The following ALG6 variants were observed in gnomAD, a reference collection of about 807,000 sequenced individuals.
ALG6 encodes the protein dolichyl pyrophosphate Man9GlcNAc2 alpha-1,3-glucosyltransferase.
Under a neutral mutation model 66.6 loss-of-function variants are expected in ALG6, and 46 were observed. The observed-to-expected ratio is 0.69, with a 90% CI of 0.55 to 0.88. ALG6 has a LOEUF of 0.88. ALG6 is among the 40% of genes least tolerant of loss of function. The probability of loss-of-function intolerance (pLI) is 0.00; values close to 1 mark genes in which losing one functional copy is unlikely to be tolerated. For missense variants in ALG6, 505 were observed against 586.8 expected (o/e 0.86, Z 1.44); for synonymous variants, 185 against 203.7 (o/e 0.91, Z 0.78).
intron 2 of ALG6, among the ~76,000 whole-genome samples, chr1:63,383,884 A>C (rs920525254): frequency 1.7e-4 from 26 of 152,266 alleles, no homozygotes; most frequent in African/African-American, 6.3e-4. Flanking sequence ...CAATTGTTTC[A>C]ATTTTTAGCT....
At chr1:63,373,503 G>A (rs571082381) in intron 2 of ALG6, among the ~76,000 whole-genome samples, 2 of 151,380 alleles carry the variant, frequency 1.3e-5, no homozygotes, top group Non-Finnish European at 2.9e-5. Context: ...GCTGAGGCAC[G>A]AGAATTGCTT....
At chr1:63,426,792 C>T (rs1557596842) in intron 12 of ALG6, among the ~76,000 whole-genome samples, 1 of 152,164 alleles carries the variant, frequency 6.6e-6, no homozygotes, top group Admixed American at 6.5e-5. Context: ...GATCCTCCCA[C>T]CTTGGCCTCC....
chr1:63,407,088 G>A lies in ALG6; in HGVS notation c.456G>A (p.Leu152=), dbSNP rs751956471. 6.2e-7 allele frequency: 1 copy of A among 1,609,648 alleles called. No homozygotes were observed. The highest frequency in any genetic ancestry group is 1.7e-5 in the Admixed American group (1 of 59,984). The change falls in exon 7 of 15, where the codon CTG becomes CTA. Residue 152 remains leucine, a synonymous_variant. Coordinates refer to ENST00000263440, the MANE Select transcript of ALG6 (RefSeq NM_013339.4). ...KKIANALCIL[L]YPGLILIDYG... is the part of the protein sequence containing the mutation. ...TTGCTAATGCATTATGCATCTTGCT[G>A]TATCCAGGCCTTATTCTTATAGACT...
At chr1:63,426,942 A>G (rs368097563) in intron 12 of ALG6, among the ~76,000 whole-genome samples, 4 of 152,194 alleles carry the variant, frequency 2.6e-5, no homozygotes, top group African/African-American at 4.8e-5. Flanking sequence ...TTTATTGAGC[A>G]CCTTCAATGA....
chr1:63,435,111 T>A (rs138508467), intron 14 of ALG6, among the ~76,000 whole-genome samples: 1 of 152,140 alleles, frequency 6.6e-6, no homozygotes, highest in Admixed American at 6.5e-5. Context: ...GAAAGCCCAA[T>A]TGGTATGGGT....
chr1:63,398,662 A>G (rs1033512398), intron 3 of ALG6, among the ~76,000 whole-genome samples: 18 of 151,836 alleles, frequency 1.2e-4, no homozygotes, highest in Admixed American at 1.0e-3. Context: ...TTTTTAGTAG[A>G]GACAGGGTTT....
At chr1:63,386,570 G>A (rs61061866) in intron 2 of ALG6, among the ~76,000 whole-genome samples, 27,236 of 151,954 alleles carry the variant, frequency 0.18, 2,626 homozygotes, top group Middle Eastern at 0.25. Flanking sequence ...GAATTTATCA[G>A]TTTCTTCTAG....
intron 12 of ALG6, among the ~76,000 whole-genome samples, chr1:63,421,311 G>T (rs909641871): frequency 1.3e-5 from 2 of 152,082 alleles, no homozygotes; most frequent in African/African-American, 4.8e-5. Context: ...TCATTAAAAA[G>T]TCAGGAAACA....
At position 63,371,030 on chromosome 1, in the gene ALG6, G is replaced by T; in HGVS notation, c.53G>T (p.Arg18Leu). The change falls in exon 2 of 15, where the codon CGA (arginine) becomes CTA (leucine). Residue 18 changes from arginine (R) to leucine (L), a missense_variant. Coordinates refer to ENST00000263440, the MANE Select transcript of ALG6 (RefSeq NM_013339.4). Reference sequence around the variant, plus strand: ...GTGGTTTTAATAGGACTAACAGTACGATGGACAGTGTCTCTTAATTCTTAT... The same window carrying T: ...GTGGTTTTAATAGGACTAACAGTACTATGGACAGTGTCTCTTAATTCTTAT... ...TVVVLIGLTV[R>L]WTVSLNSYSG... 6.2e-7 allele frequency: 1 copy of T among 1,609,654 alleles called. No homozygotes were observed. The highest frequency in any genetic ancestry group is 8.5e-7 in the Non-Finnish European group (1 of 1,176,178).
intron 2 of ALG6, 57 bp from the exon 3 acceptor site, chr1:63,396,456 A>T (rs919877081): frequency 6.3e-6 from 9 of 1,436,620 alleles, no homozygotes; most frequent in Non-Finnish European, 8.8e-6. Context: ...AAGGAAATAA[A>T]AATCACTGAT....
At chr1:63,429,222 A>G in intron 14 of ALG6, 96 bp downstream of exon 14, 1 of 897,396 alleles carries the variant, frequency 1.1e-6, no homozygotes, top group South Asian at 1.6e-5. Flanking sequence ...TTTTTGAGAT[A>G]TAATTCACAT....
intron 3 of ALG6, among the ~76,000 whole-genome samples, chr1:63,399,349 G>GTATT (rs1435784630): frequency 6.6e-6 from 1 of 152,166 alleles, no homozygotes; most frequent in Non-Finnish European, 1.5e-5. Context: ...TTACCATATT[G>GTATT]TATTAGTTAG....
At chr1:63,368,076 G>A (rs1210453530) in intron 1 of ALG6, among the ~76,000 whole-genome samples, 2 of 152,192 alleles carry the variant, frequency 1.3e-5, no homozygotes, top group Non-Finnish European at 2.9e-5. Flanking sequence ...AAGGAGCAAA[G>A]TCGGTTCTGG....
chr1:63,397,347 G>A (rs186995280), intron 3 of ALG6, among the ~76,000 whole-genome samples: 3 of 151,902 alleles, frequency 2.0e-5, no homozygotes, highest in African/African-American at 4.8e-5. Flanking sequence ...CACCATGCCC[G>A]GCTAATTTTT....
rs549229067 is a variant in ALG6 at position 63,416,271 on chromosome 1, A to C, written c.987+314A>C. ...AAAACAGATGGTATTAAGTTCTATCAGGTACAAATGAAGTCCTATGATGGT... is the reference window on the plus strand; with the variant it reads ...AAAACAGATGGTATTAAGTTCTATCCGGTACAAATGAAGTCCTATGATGGT... On this transcript the variant is annotated intron_variant, in intron 11 of 14. Coordinates refer to ENST00000263440, the MANE Select transcript of ALG6 (RefSeq NM_013339.4). Among the ~76,000 whole-genome samples the C allele has an allele frequency of 1.0e-3, 154 of 152,254 alleles. 1 individual carries two copies. Among genetic ancestry groups the C allele is most frequent in the Non-Finnish European group, 2.4e-4 (16 of 68,018 alleles).
chr1:63,398,338 A>G lies in ALG6; in HGVS notation c.167+1741A>G, dbSNP rs1570054107. On this transcript the variant is annotated intron_variant, in intron 3 of 14. Transcript: ENST00000263440. ...TCATTTTTTCTAGGTAGATTCCTAG[A>G]AGTGGAAGCTCTAAAGTAACACCAG... Among the ~76,000 whole-genome samples, 3 of 152,350 alleles carry G rather than the reference A, an allele frequency of 2.0e-5. No individual in the cohort carries two copies. In the South Asian group the frequency reaches 6.2e-4, roughly 32 times the overall value.
rs533872267 is a variant in ALG6, at chr1:63,404,052, A to T, written c.258-401A>T. 2.6e-5 allele frequency among the ~76,000 whole-genome samples: 4 copies of T among 152,304 alleles called. No homozygotes were observed. In the South Asian group the frequency reaches 8.3e-4, roughly 32 times the overall value. The stretch of plus-strand genomic sequence containing the variant: ...TTTTATGCAGTGATTTATGATTATT[A>T]TAGCTGTTTATTGTAGCCAATTGTT... On this transcript the variant is annotated intron_variant, in intron 4 of 14. Transcript: ENST00000263440.
chr1:63,431,645 A>G (rs903244087), intron 14 of ALG6, among the ~76,000 whole-genome samples: 3 of 152,198 alleles, frequency 2.0e-5, no homozygotes, highest in Admixed American at 2.0e-4. Context: ...CTTCCAATGA[A>G]CAAACACAGG....
intron 12 of ALG6, among the ~76,000 whole-genome samples, chr1:63,427,203 C>T (rs1264107495): frequency 3.5e-5 from 5 of 142,642 alleles, no homozygotes; most frequent in South Asian, 2.2e-4. Context: ...TTAGTAGAGA[C>T]GGGGTTTCAC....
Sources: allele counts gnomAD v4.1 joint callset (sites outside exome capture counted in the v4.1 genomes callset), GRCh38; gene constraint gnomAD v4.1.1; transcripts MANE v1.5; gene names NCBI Gene and HGNC (gene_info 2026-07-23, HGNC 2026-07-21).